RBMS3: variants seen among roughly 807,000 people sequenced by gnomAD.
The protein encoded by RBMS3 is RNA binding motif single stranded interacting protein 3.
RBMS3 carries 27 observed loss-of-function variants against 66.8 expected under a neutral mutation model. The ratio of observed to expected loss-of-function variants is 0.40; its 90% CI spans 0.30 to 0.56. The LOEUF (loss-of-function observed/expected upper bound fraction) is 0.56. RBMS3 is among the 20% of genes least tolerant of loss of function. The pLI, the probability that RBMS3 is intolerant of heterozygous loss-of-function variation, is 0.40. For missense variants in RBMS3, 513 were observed against 549.5 expected, an observed-to-expected ratio of 0.93 and a Z score of 0.66; for synonymous variants, 188 against 183.0, an observed-to-expected ratio of 1.03 and a Z score of -0.22.
At chr3:29,680,345 T>C (rs2051434559) in intron 4 of RBMS3, among the ~76,000 whole-genome samples, 1 of 152,234 alleles carries the variant, frequency 6.6e-6, no homozygotes, top group Non-Finnish European at 1.5e-5. Context: ...CATTCTATTC[T>C]CTCTTGCTCT....
At chr3:29,563,095 T>A (rs1482191290) in intron 3 of RBMS3, among the ~76,000 whole-genome samples, 1 of 152,192 alleles carries the variant, frequency 6.6e-6, no homozygotes, top group Non-Finnish European at 1.5e-5. Flanking sequence ...GATTCTGGCC[T>A]ATGAATTGAT....
At chr3:29,506,600 A>G (rs1328040473) in intron 3 of RBMS3, among the ~76,000 whole-genome samples, 1 of 151,988 alleles carries the variant, frequency 6.6e-6, no homozygotes, top group Non-Finnish European at 1.5e-5. Flanking sequence ...TATAAAATGT[A>G]TTTAAAAGTA....
At chr3:29,885,012 A>G (rs1025914931) in intron 8 of RBMS3, among the ~76,000 whole-genome samples, 3 of 151,910 alleles carry the variant, frequency 2.0e-5, no homozygotes, top group African/African-American at 7.2e-5. Flanking sequence ...TTCATTTTCT[A>G]TTTTGTCAGT....
intron 4 of RBMS3, among the ~76,000 whole-genome samples, chr3:29,593,820 C>T (rs893447731): frequency 2.6e-5 from 4 of 152,152 alleles, no homozygotes; most frequent in Non-Finnish European, 4.4e-5. Context: ...AACAAAGTTT[C>T]ATGAAGTTCA....
chr3:29,489,941 G>T (rs1177848663), intron 3 of RBMS3, among the ~76,000 whole-genome samples: 1 of 150,478 alleles, frequency 6.6e-6, no homozygotes, highest in South Asian at 2.1e-4. Flanking sequence ...TACTTGGGAG[G>T]CTGTGGCAGG....
At chr3:29,507,308 T>C (rs1269204783) in intron 3 of RBMS3, among the ~76,000 whole-genome samples, 3 of 152,002 alleles carry the variant, frequency 2.0e-5, no homozygotes, top group Non-Finnish European at 4.4e-5. Context: ...GTTTTAGGAA[T>C]AGAAAAATTA....
intron 1 of RBMS3, among the ~76,000 whole-genome samples, chr3:29,286,297 GT>G (rs1337937581): frequency 6.7e-6 from 1 of 149,692 alleles, no homozygotes; most frequent in Non-Finnish European, 1.5e-5. Context: ...TCTTAGTTTT[GT>G]TTTTTTTTCT....
chr3:29,876,765 CA>C (rs1334860249), intron 7 of RBMS3, among the ~76,000 whole-genome samples: 2 of 151,778 alleles, frequency 1.3e-5, no homozygotes, highest in Non-Finnish European at 2.9e-5. Flanking sequence ...TGCGAAGGCC[CA>C]GGGGTAATGC....
rs559779723 is a variant in RBMS3 at position 29,971,771 on chromosome 3, T to A, written c.1099-16372T>A. Among the ~76,000 whole-genome samples, 10 of 152,208 alleles carry A rather than the reference T, an allele frequency of 6.6e-5. No homozygotes were observed. In the South Asian group the frequency reaches 2.1e-3, roughly 32 times the overall value. ...GGTACAGAGAAAAAGCTGTTAGATG[T>A]CATAAGAGGTAGTTACCATTTCCCA... On this transcript the variant is annotated intron_variant, in intron 12 of 14. Coordinates refer to ENST00000383767, the MANE Select transcript of RBMS3 (RefSeq NM_001003793.3).
intron 4 of RBMS3, among the ~76,000 whole-genome samples, chr3:29,646,907 A>G (rs1420160180): frequency 6.6e-6 from 1 of 152,186 alleles, no homozygotes; most frequent in African/African-American, 2.4e-5. Flanking sequence ...TATCTTCCTC[A>G]TTCGGAATGC....
At chr3:29,834,128 G>C (rs1299033309) in intron 6 of RBMS3, among the ~76,000 whole-genome samples, 1 of 151,900 alleles carries the variant, frequency 6.6e-6, no homozygotes, top group African/African-American at 2.4e-5. Flanking sequence ...GACTTTCCCA[G>C]ACAAGAATAA....
chr3:29,981,680 G>T (rs1365127327), intron 12 of RBMS3, among the ~76,000 whole-genome samples: 2 of 152,236 alleles, frequency 1.3e-5, no homozygotes, highest in East Asian at 3.9e-4. Flanking sequence ...CATCTATCGA[G>T]ATAATCATGT....
intron 6 of RBMS3, among the ~76,000 whole-genome samples, chr3:29,794,543 G>A (rs1185836892): frequency 5.3e-5 from 8 of 152,226 alleles, no homozygotes; most frequent in South Asian, 4.1e-4. Flanking sequence ...CTGAGATTGC[G>A]CCACTGCACT....
At chr3:29,538,297 A>G (rs2045644600) in intron 3 of RBMS3, among the ~76,000 whole-genome samples, 1 of 152,234 alleles carries the variant, frequency 6.6e-6, no homozygotes, top group African/African-American at 2.4e-5. Flanking sequence ...ATTTTCCCAC[A>G]GAAGTTCTGA....
At chr3:29,722,491 A>C (rs1455449154) in intron 4 of RBMS3, among the ~76,000 whole-genome samples, 1 of 152,148 alleles carries the variant, frequency 6.6e-6, no homozygotes, top group African/African-American at 2.4e-5. Context: ...GAAATGTCTA[A>C]TCTATAGAAC....
Position 29,717,228 on chromosome 3 carries a change from A to G in RBMS3, c.400-22492A>G, listed in dbSNP as rs538035589. Among the ~76,000 whole-genome samples the G allele has an allele frequency of 6.6e-5, 10 of 152,206 alleles. No individual in the cohort carries two copies. In the South Asian group the frequency reaches 2.1e-3, roughly 32 times the overall value. On this transcript the variant is annotated intron_variant, in intron 4 of 14. Transcript: ENST00000383767. ...GGTAATGCAACGCACAGTGCTCAATACATAATAAGTGCTCAATAAAGAGTT... is the reference window on the plus strand; with the variant it reads ...GGTAATGCAACGCACAGTGCTCAATGCATAATAAGTGCTCAATAAAGAGTT...
chr3:29,430,592 T>C (rs2041145137), intron 1 of RBMS3, among the ~76,000 whole-genome samples: 2 of 152,150 alleles, frequency 1.3e-5, no homozygotes, highest in Admixed American at 1.3e-4. Flanking sequence ...TACTAAATGG[T>C]GTTCTGGTTA....
In RBMS3 at chr3:29,676,474, C is replaced by T. The variant is rs77798146; in HGVS notation, c.400-63246C>T. Among the ~76,000 whole-genome samples, 1,010 of 152,226 alleles carry T rather than the reference C, an allele frequency of 6.6e-3. 18 individuals carry two copies. The highest frequency in any genetic ancestry group is 0.022 in the African/African-American group (916 of 41,532). On this transcript the variant is annotated intron_variant, in intron 4 of 14. Transcript: ENST00000383767. Reference sequence around the variant, plus strand: ...AGTAAACTTAATTTTTCACCTGTTACGCCTCTCTTCCAGTTTCCAAATTCA... The same window carrying T: ...AGTAAACTTAATTTTTCACCTGTTATGCCTCTCTTCCAGTTTCCAAATTCA...
chr3:29,809,570 T>A (rs1293518307), intron 6 of RBMS3, among the ~76,000 whole-genome samples: 2 of 152,142 alleles, frequency 1.3e-5, no homozygotes, highest in East Asian at 3.9e-4. Context: ...TTAAATTTTA[T>A]CATATATTTG....
Sources: allele counts gnomAD v4.1 joint callset (sites outside exome capture counted in the v4.1 genomes callset), GRCh38; gene constraint gnomAD v4.1.1; transcripts MANE v1.5; gene names NCBI Gene and HGNC (gene_info 2026-07-23, HGNC 2026-07-21).